RPSA: variants seen among roughly 807,000 people sequenced by gnomAD.
RPSA encodes the protein small ribosomal subunit protein uS2.
For missense variants in RPSA, 140 were observed against 372.8 expected (o/e 0.38, Z 5.14); for synonymous variants, 103 against 126.7 (o/e 0.81, Z 1.25).
At chr3:39,406,929 G>T (rs571492963) in intron 1 of RPSA, 165 bp downstream of exon 1, 7 of 453,882 alleles carry the variant, frequency 1.5e-5, no homozygotes, top group Admixed American at 1.2e-4. Context: ...GGCCAGGCTC[G>T]GGCTGGCGGG....
At chr3:39,409,272 G>A (rs2041970215) in intron 3 of RPSA, among the ~76,000 whole-genome samples, 1 of 139,996 alleles carries the variant, frequency 7.1e-6, no homozygotes. Flanking sequence ...TGTGATATCG[G>A]CTCATTGCAG....
rs773913524 is a variant in RPSA at position 39,408,734 on chromosome 3, A to G, written c.252+10A>G. Reference sequence around the variant, plus strand: ...CAGGAATACTGGCCAGGTTTGTGGAACAGTGGTTAGTTTTTATATTATAGA... The same window carrying G: ...CAGGAATACTGGCCAGGTTTGTGGAGCAGTGGTTAGTTTTTATATTATAGA... On this transcript the variant is annotated intron_variant, in intron 3 of 6. Coordinates refer to ENST00000301821, the MANE Select transcript of RPSA (RefSeq NM_002295.6). 1.1e-5 allele frequency: 15 copies of G among 1,323,532 alleles called. No homozygotes were observed. The South Asian group carries it at 1.6e-4, about 14-fold the overall frequency. 82.0% of individuals were successfully genotyped at this position (1,323,532 alleles called of 1,614,324 possible).
intron 3 of RPSA, among the ~76,000 whole-genome samples, chr3:39,409,901 G>A (rs1258586184): frequency 6.6e-6 from 1 of 152,200 alleles, no homozygotes; most frequent in Non-Finnish European, 1.5e-5. Flanking sequence ...GCTGAGGCTG[G>A]TGGCTTGCTT....
In RPSA at chr3:39,412,481, C is replaced by G. The variant is rs559288026; in HGVS notation, c.*113C>G. The G allele has an allele frequency of 4.0e-5, 26 of 643,484 alleles. No individual in the cohort carries two copies. The highest frequency in any genetic ancestry group is 6.8e-5 in the Non-Finnish European group (25 of 367,684). 39.9% of individuals were successfully genotyped at this position (643,484 alleles called of 1,614,324 possible). A position where few individuals can be genotyped will look rare whatever the true frequency, so the allele number is the denominator to read the frequency against. ...TGCTTTTTACTCCAGATCAGAATAC[C>G]TGGGATTGCATATCAAAGCATAATA... On this transcript the variant is annotated 3_prime_UTR_variant, in exon 7 of 7. Transcript: ENST00000301821.
intron 5 of RPSA, 29 bp downstream of exon 5, chr3:39,411,806 A>T: frequency 1.9e-6 from 3 of 1,599,704 alleles, no homozygotes; most frequent in East Asian, 4.5e-5. Flanking sequence ...TTGTGGTTAC[A>T]TAAGCAAATT....
In RPSA at chr3:39,411,662, T is replaced by C; in HGVS notation, c.512T>C (p.Val171Ala). 6.2e-7 allele frequency: 1 copy of C among 1,609,100 alleles called. No individual in the cohort carries two copies. ...CACTCTTGGCAGGGAGCTCACTCAG[T>C]GGGTTTGATGTGGTGGATGCTGGCT... is the stretch of plus-strand genomic sequence containing the variant. ...IPCNNKGAHS[V>A]GLMWWMLARE... Residue 171 changes from valine (V) to alanine (A), a missense_variant, in exon 5 of 7, where the codon GTG (valine) becomes GCG (alanine). By Grantham distance (64) the Val-to-Ala change is moderately conservative. Transcript: ENST00000301821.
intron 2 of RPSA, chr3:39,408,335 G>C: frequency 4.8e-6 from 3 of 620,388 alleles, no homozygotes; most frequent in Admixed American, 4.1e-5. Flanking sequence ...AACCAATGAT[G>C]GAATAAGTAC....
intron 2 of RPSA, 66 bp downstream of exon 2, chr3:39,407,852 G>A (rs916091704): frequency 8.9e-6 from 12 of 1,353,352 alleles, no homozygotes; most frequent in South Asian, 6.0e-5. Flanking sequence ...TGCTATTCTC[G>A]TGGTTAGTTC....
chr3:39,408,232 G>T (rs529927723), intron 2 of RPSA: 2 of 408,938 alleles, frequency 4.9e-6, no homozygotes, highest in East Asian at 5.4e-5. Flanking sequence ...ACTTGGGAGT[G>T]ACATGCTGTA....
In RPSA at chr3:39,412,264, C is replaced by G; in HGVS notation, c.794-10C>G. 6.2e-7 allele frequency: 1 copy of G among 1,605,118 alleles called. No homozygotes were observed. Among genetic ancestry groups the G allele is most frequent in the Non-Finnish European group, 8.5e-7 (1 of 1,172,260 alleles). On this transcript the variant is annotated splice_polypyrimidine_tract_variant and intron_variant, in intron 6 of 6. Transcript: ENST00000301821. ...AGAGCTGATGGCTTTTTTTGGTATT[C>G]TCTTAACAGAAGACTGGAGCGCTCA...
intron 3 of RPSA, chr3:39,410,508 G>C (rs1261588031): frequency 1.9e-6 from 1 of 516,544 alleles, no homozygotes; most frequent in Non-Finnish European, 3.5e-6. Context: ...AAAATATACT[G>C]AGCATCTAGA....
At chr3:39,407,263 C>A (rs867758178) in intron 1 of RPSA, among the ~76,000 whole-genome samples, 1 of 152,196 alleles carries the variant, frequency 6.6e-6, no homozygotes, top group African/African-American at 2.4e-5. Context: ...GAAAACAATT[C>A]ATGCCTTTTT....
chr3:39,409,226 G>T (rs560424213), intron 3 of RPSA, among the ~76,000 whole-genome samples: 1 of 89,472 alleles, frequency 1.1e-5, no homozygotes, highest in Non-Finnish European at 2.2e-5. Context: ...ACAGTCTCTC[G>T]CTCTGTTGCC....
chr3:39,411,066 T>C (rs1222674433), intron 4 of RPSA, 67 bp downstream of exon 4: 2 of 1,577,836 alleles, frequency 1.3e-6, no homozygotes, highest in Non-Finnish European at 8.6e-7. Flanking sequence ...TGCACATTGT[T>C]AGAGCTTGGA....
rs369708612 is a variant in RPSA, at chr3:39,412,038, T to G, written c.770T>G (p.Val257Gly). 1.3e-5 allele frequency: 21 copies of G among 1,610,622 alleles called. No homozygotes were observed. The highest frequency in any genetic ancestry group is 1.7e-5 in the Non-Finnish European group (20 of 1,179,966). ...DWSEGVQVPSVPIQQFPTEDW... is the reference protein window; with the variant it reads ...DWSEGVQVPSGPIQQFPTEDW... ...TCTGAAGGTGTACAGGTGCCCTCTG[T>G]GCCTATTCAGCAATTCCCTACTGGT... The change falls in exon 6 of 7, where the codon GTG becomes GGG. Residue 257 changes from valine to glycine, a missense_variant. Physicochemically the swap from Val to Gly is moderately radical, Grantham distance 109 (BLOSUM62 -3). Coordinates refer to ENST00000301821, the MANE Select transcript of RPSA (RefSeq NM_002295.6).
chr3:39,411,328 A>T, intron 4 of RPSA: 1 of 609,022 alleles, frequency 1.6e-6, no homozygotes, highest in South Asian at 1.7e-5. Flanking sequence ...TTTCACACCA[A>T]CTTGATGGGT....
At chr3:39,406,904 C>T (rs1469961437) in intron 1 of RPSA, 140 bp downstream of exon 1, 2 of 455,708 alleles carry the variant, frequency 4.4e-6, no homozygotes, top group Non-Finnish European at 4.4e-6. Flanking sequence ...CACCTTAGGC[C>T]TGCGGCCCGC....
At position 39,407,759 on chromosome 3, in the gene RPSA, C is replaced by G; in HGVS notation, c.106C>G (p.Gln36Glu). The G allele has an allele frequency of 6.3e-7, 1 of 1,597,416 alleles. No individual in the cohort carries two copies. Among genetic ancestry groups the G allele is most frequent in the Non-Finnish European group, 8.5e-7 (1 of 1,178,886 alleles). The stretch of plus-strand genomic sequence containing the variant: ...CACCAATCTTGACTTCCAGATGGAA[C>G]AGTACATCTATAAAAGGAAAAGTGA... The part of the protein sequence containing the change: ...GGTNLDFQME[Q>E]YIYKRKSDGI... The change falls in exon 2 of 7, where the codon CAG becomes GAG. Residue 36 changes from glutamine (Q) to glutamate (E), a missense_variant. Physicochemically the swap from Gln to Glu is conservative, Grantham distance 29. Coordinates refer to ENST00000301821, the MANE Select transcript of RPSA (RefSeq NM_002295.6).
chr3:39,411,566 C>T (rs2269349), intron 4 of RPSA, 83 bp from the exon 5 acceptor site: 758,551 of 1,460,128 alleles, frequency 0.52, 199,389 homozygotes, highest in East Asian at 0.66. Context: ...CTTTTGGTAC[C>T]TAGATGATGT....
Sources: allele counts gnomAD v4.1 joint callset (sites outside exome capture counted in the v4.1 genomes callset), GRCh38; gene constraint gnomAD v4.1.1; transcripts MANE v1.5; gene names NCBI Gene and HGNC (gene_info 2026-07-23, HGNC 2026-07-21).